Variants in CFAP54 observed in about 807,000 individuals in gnomAD.
The protein encoded by CFAP54 is cilia- and flagella-associated protein 54.
Under a neutral mutation model 370.4 loss-of-function variants are expected in CFAP54, and 290 were observed. The observed-to-expected ratio is 0.78, with a 90% CI of 0.71 to 0.86. The LOEUF (loss-of-function observed/expected upper bound fraction) is 0.86, where lower values mean the gene tolerates loss of function less well. CFAP54 is among the 40% of genes least tolerant of loss of function. The probability of loss-of-function intolerance (pLI) is 0.00; values close to 1 mark genes in which losing one functional copy is unlikely to be tolerated. For synonymous variants in CFAP54, 1,206 were observed against 1,236.5 expected (o/e 0.98, Z 0.52); for missense variants, 3,399 against 3,528.7 (o/e 0.96, Z 0.93).
intron 63 of CFAP54, among the ~76,000 whole-genome samples, chr12:96,795,874 T>A (rs887690183): frequency 6.6e-6 from 1 of 152,128 alleles, no homozygotes; most frequent in African/African-American, 2.4e-5. Context: ...CTGTGATCTT[T>A]CCCCAATTCC....
chr12:96,525,811 C>T (rs950111190), intron 8 of CFAP54, among the ~76,000 whole-genome samples: 7 of 152,328 alleles, frequency 4.6e-5, no homozygotes, highest in Non-Finnish European at 1.0e-4. Context: ...CTGCCTCAGC[C>T]TCCCAAGTAA....
chr12:96,576,684 C>T lies in CFAP54; in HGVS notation c.2719C>T (p.Pro907Ser), dbSNP rs1242832835. 1 of 1,535,672 alleles carries T rather than the reference C, an allele frequency of 6.5e-7. No homozygotes were observed. Among genetic ancestry groups the T allele is most frequent in the East Asian group, 2.4e-5 (1 of 40,886 alleles). The change falls in exon 20 of 68, where the codon CCC becomes TCC. Residue 907 changes from proline to serine, a missense_variant. Pro to Ser is a moderately conservative substitution (Grantham distance 74). This residue lies in a region of CFAP54 where 2,796 missense variants were observed against 2,869.7 expected (regional missense o/e 0.97). Transcript: ENST00000524981. The stretch of plus-strand genomic sequence containing the variant: ...TTCAAAAAGAAAGAAAAGCAGAGTC[C>T]CCCCTCCACCTATCCTGCTGTCTCG... ...ESSKRKKSRV[P>S]PPPILLSRTH...
intron 60 of CFAP54, among the ~76,000 whole-genome samples, chr12:96,780,204 A>T (rs1222239828): frequency 6.6e-6 from 1 of 152,134 alleles, no homozygotes; most frequent in African/African-American, 2.4e-5. Flanking sequence ...CCAATTAATT[A>T]GTCCTTATAA....
intron 60 of CFAP54, among the ~76,000 whole-genome samples, chr12:96,768,338 A>G (rs1259570310): frequency 6.6e-6 from 1 of 151,820 alleles, no homozygotes. Context: ...AAAATAGAAA[A>G]AACAAAATTC....
intron 19 of CFAP54, among the ~76,000 whole-genome samples, chr12:96,574,123 C>T (rs2136419573): frequency 6.6e-6 from 1 of 152,294 alleles, no homozygotes; most frequent in South Asian, 2.1e-4. Context: ...TTTATAATCT[C>T]TGCTCCTACA....
chr12:96,517,207 C>T (rs1282465294), intron 5 of CFAP54, among the ~76,000 whole-genome samples: 1 of 152,080 alleles, frequency 6.6e-6, no homozygotes, highest in Admixed American at 6.6e-5. Context: ...TCCCCTTTGT[C>T]AGGGCTCCTC....
In CFAP54 at chr12:96,836,862, C is replaced by G. The variant is rs529479791; in HGVS notation, c.9171+7774C>G. ...GTTTTGTTTTTTACAGACAAGATCT[C>G]TGTCATCCAGACTATAGTGCAGTGG... On this transcript the variant is annotated intron_variant, in intron 66 of 67. Coordinates refer to ENST00000524981, the MANE Select transcript of CFAP54 (RefSeq NM_001306084.2). Among the ~76,000 whole-genome samples, 8 of 152,282 alleles carry G rather than the reference C, an allele frequency of 5.3e-5. No homozygotes were observed. In the South Asian group the frequency reaches 1.7e-3, roughly 32 times the overall value.
At chr12:96,597,432 T>C (rs1020414724) in intron 25 of CFAP54, among the ~76,000 whole-genome samples, 12 of 151,932 alleles carry the variant, frequency 7.9e-5, no homozygotes, top group Non-Finnish European at 1.6e-4. Flanking sequence ...TTGCTAATCA[T>C]AGTTGGCAAC....
intron 44 of CFAP54, among the ~76,000 whole-genome samples, chr12:96,692,299 T>C (rs551599497): frequency 5.3e-5 from 8 of 152,330 alleles, no homozygotes; most frequent in Non-Finnish European, 1.2e-4. Context: ...GTTAAAGGGA[T>C]TCATTTCTGG....
At chr12:96,772,776 T>C (rs889703106) in intron 60 of CFAP54, among the ~76,000 whole-genome samples, 1 of 152,008 alleles carries the variant, frequency 6.6e-6, no homozygotes, top group African/African-American at 2.4e-5. Context: ...CCCACAACCA[T>C]GCCCGGCTAA....
chr12:96,802,928 G>A (rs1430435861), intron 63 of CFAP54, among the ~76,000 whole-genome samples: 3 of 152,098 alleles, frequency 2.0e-5, no homozygotes, highest in Non-Finnish European at 2.9e-5. Context: ...AACATGTGGT[G>A]TTTGGTTTTC....
At chr12:96,527,041 A>G (rs1295724596) in intron 8 of CFAP54, among the ~76,000 whole-genome samples, 2 of 151,848 alleles carry the variant, frequency 1.3e-5, no homozygotes, top group African/African-American at 4.8e-5. Context: ...GACTACAAGC[A>G]CATTCCAACA....
intron 4 of CFAP54, among the ~76,000 whole-genome samples, chr12:96,508,446 C>T (rs924067606): frequency 6.6e-5 from 10 of 151,774 alleles, no homozygotes; most frequent in Non-Finnish European, 1.0e-4. Flanking sequence ...CCACCACACC[C>T]GGCCAATTTT....
chr12:96,727,007 G>C (rs1413661852), intron 50 of CFAP54, among the ~76,000 whole-genome samples: 2 of 152,302 alleles, frequency 1.3e-5, no homozygotes, highest in East Asian at 3.9e-4. Flanking sequence ...TCTTAATCCT[G>C]AGTTCTAGTT....
intron 63 of CFAP54, among the ~76,000 whole-genome samples, chr12:96,810,429 T>C (rs577779334): frequency 1.3e-5 from 2 of 152,294 alleles, no homozygotes; most frequent in East Asian, 3.9e-4. Context: ...AGGCATGTGC[T>C]TTTAGGGGTG....
intron 32 of CFAP54, among the ~76,000 whole-genome samples, chr12:96,640,490 G>T (rs1956713145): frequency 6.6e-6 from 1 of 152,126 alleles, no homozygotes; most frequent in Admixed American, 6.5e-5. Context: ...TGTGAAAATG[G>T]CCATACTGCC....
intron 55 of CFAP54, among the ~76,000 whole-genome samples, chr12:96,751,490 AC>A (rs1403400381): frequency 6.6e-6 from 1 of 152,130 alleles, no homozygotes; most frequent in Admixed American, 6.6e-5. Context: ...TATAATATAA[AC>A]TGTATAGTAC....
chr12:96,729,289 C>G (rs1957885673), intron 50 of CFAP54, among the ~76,000 whole-genome samples: 1 of 152,194 alleles, frequency 6.6e-6, no homozygotes, highest in Non-Finnish European at 1.5e-5. Flanking sequence ...AGAGGTGCAG[C>G]CTACAGAGGC....
At chr12:96,698,243 CTA>C (rs1435771765) in intron 45 of CFAP54, among the ~76,000 whole-genome samples, 1 of 152,042 alleles carries the variant, frequency 6.6e-6, no homozygotes, top group African/African-American at 2.4e-5. Context: ...ACTCCTTTTT[CTA>C]TAATTTTCTG....
Sources: gnomAD v4.1 joint callset for allele counts (sites outside exome capture counted in the v4.1 genomes callset) on GRCh38, gnomAD v4.1.1 for gene constraint, gnomAD v4.1.1 regional missense constraint, MANE v1.5 for transcripts, NCBI Gene and HGNC (gene_info 2026-07-23, HGNC 2026-07-21) for gene names.